Variants in C19orf47 observed in about 807,000 individuals in gnomAD.
C19orf47 encodes chromosome 19 open reading frame 47.
Under a neutral mutation model 32.3 loss-of-function variants are expected in C19orf47, and 18 were observed. The observed-to-expected ratio is 0.56, with a 90% confidence interval of 0.39 to 0.83. The LOEUF (loss-of-function observed/expected upper bound fraction) is 0.83, where lower values mean the gene tolerates loss of function less well. C19orf47 is among the 40% of genes least tolerant of loss of function. The pLI, the probability that C19orf47 is intolerant of heterozygous loss-of-function variation, is 0.00. For synonymous variants in C19orf47, 202 were observed against 211.1 expected (o/e 0.96, Z 0.37); for missense variants, 484 against 531.6 (o/e 0.91, Z 0.88).
chr19:40,299,763 C>T, the C19orf47 span, among the ~76,000 whole-genome samples: 1 of 152,160 alleles, frequency 6.6e-6, no homozygotes, highest in Non-Finnish European at 1.5e-5. Context: ...CGGTGGCTCA[C>T]GTCTGTAATC....
the C19orf47 span, among the ~76,000 whole-genome samples, chr19:40,299,840 A>G: frequency 6.6e-6 from 1 of 152,122 alleles, no homozygotes; most frequent in African/African-American, 2.4e-5. Flanking sequence ...AGCCTGGCCG[A>G]CATGGCGAAA....
At chr19:40,303,517 CAA>C in the C19orf47 span, among the ~76,000 whole-genome samples, 3 of 98,100 alleles carry the variant, frequency 3.1e-5, no homozygotes, top group Non-Finnish European at 2.1e-5. Flanking sequence ...GCGAGACTCT[CAA>C]AAAAAAAAAG....
intron 6 of C19orf47, among the ~76,000 whole-genome samples, chr19:40,327,434 G>C (rs535708394): frequency 1.3e-5 from 2 of 151,818 alleles, no homozygotes; most frequent in African/African-American, 2.4e-5. Context: ...GATTATAGGC[G>C]TGAGCCACCA....
chr19:40,302,216 T>C, the C19orf47 span, among the ~76,000 whole-genome samples: 1 of 152,168 alleles, frequency 6.6e-6, no homozygotes, highest in African/African-American at 2.4e-5. Context: ...TGCTCTTACA[T>C]AAATAATCAG....
intron 7 of C19orf47, 79 bp from the exon 8 acceptor site, chr19:40,324,155 G>T: frequency 7.3e-7 from 1 of 1,374,924 alleles, no homozygotes; most frequent in Non-Finnish European, 1.0e-6. Context: ...CACCAAGGCA[G>T]CCCAGACACC....
At position 40,323,913 on chromosome 19, in the gene C19orf47, C is replaced by T. The variant is rs534867673; in HGVS notation, c.663+93G>A. On this transcript the variant is annotated intron_variant, in intron 8 of 8. Coordinates refer to ENST00000683109, the MANE Select transcript of C19orf47 (RefSeq NM_001256441.2). Reference sequence around the variant, plus strand: ...AAAGGCAGGTTAGACGGCCCTGGGCCGAGTGAGGTTGAGATGTGTTAAAGA... The same window carrying T: ...AAAGGCAGGTTAGACGGCCCTGGGCTGAGTGAGGTTGAGATGTGTTAAAGA... 52 of 1,498,238 alleles carry T rather than the reference C, an allele frequency of 3.5e-5. No individual in the cohort carries two copies. The Admixed American group carries it at 5.5e-4, about 16-fold the overall frequency. 92.8% of individuals were successfully genotyped at this position (1,498,238 alleles called of 1,614,324 possible). A position where few individuals can be genotyped will look rare whatever the true frequency, so the allele number is the denominator to read the frequency against.
chr19:40,339,254 T>C (rs1242477013), intron 2 of C19orf47: 1 of 152,624 alleles, frequency 6.6e-6, no homozygotes, highest in Non-Finnish European at 1.5e-5. Flanking sequence ...CATCATTTCA[T>C]GTATTGCTAA....
At chr19:40,333,965 A>G in intron 4 of C19orf47, 36 bp from the exon 5 acceptor site, 1 of 1,496,736 alleles carries the variant, frequency 6.7e-7, no homozygotes. Context: ...GTCACCACAG[A>G]AGAATCATGC....
Position 40,348,396 on chromosome 19 carries a change from T to TC in C19orf47, c.-107dup. The TC allele has an allele frequency of 7.3e-7, 1 of 1,365,040 alleles. No individual in the cohort carries two copies. Among genetic ancestry groups the TC allele is most frequent in the South Asian group, 1.3e-5 (1 of 75,386 alleles). 84.6% of individuals were successfully genotyped at this position (1,365,040 alleles called of 1,614,324 possible). A position where few individuals can be genotyped will look rare whatever the true frequency, so the allele number is the denominator to read the frequency against. On this transcript the variant is annotated 5_prime_UTR_variant, in exon 1 of 9. Coordinates refer to ENST00000683109, the MANE Select transcript of C19orf47 (RefSeq NM_001256441.2). The stretch of plus-strand genomic sequence containing the variant: ...GGCGGCGCCAACTGTCAGACACTCC[T>TC]CCCCCGGCCCGGGCTGCCCGCCCCG...
the C19orf47 span, among the ~76,000 whole-genome samples, chr19:40,307,424 G>A: frequency 6.6e-6 from 1 of 151,858 alleles, no homozygotes; most frequent in African/African-American, 2.4e-5. Context: ...TTGGAGACAG[G>A]GTCTCGTTCT....
Position 40,348,331 on chromosome 19 carries a change from A to T in C19orf47, c.-41T>A, listed in dbSNP as rs893672238. 2.6e-5 allele frequency: 35 copies of T among 1,320,770 alleles called. No homozygotes were observed. The highest frequency in any genetic ancestry group is 3.4e-5 in the Non-Finnish European group (35 of 1,035,688). The allele number at this position is 1,320,770 out of a possible 1,614,324, so 81.8% of individuals were successfully genotyped here. A position where few individuals can be genotyped will look rare whatever the true frequency, so the allele number is the denominator to read the frequency against. ...CCCCGGCCCGCGCCTCACCTGGCCCACCGGGCCCGCGCCCACTCGCGCCGC... is the reference window on the plus strand; with the variant it reads ...CCCCGGCCCGCGCCTCACCTGGCCCTCCGGGCCCGCGCCCACTCGCGCCGC... On this transcript the variant is annotated 5_prime_UTR_variant, in exon 1 of 9. Coordinates refer to ENST00000683109, the MANE Select transcript of C19orf47 (RefSeq NM_001256441.2).
At chr19:40,342,926 A>G (rs1315547142) in intron 1 of C19orf47, among the ~76,000 whole-genome samples, 1 of 152,190 alleles carries the variant, frequency 6.6e-6, no homozygotes, top group African/African-American at 2.4e-5. Flanking sequence ...CGTCCCAGAG[A>G]AGACATGGAA....
the C19orf47 span, among the ~76,000 whole-genome samples, chr19:40,296,032 C>T: frequency 3.6e-4 from 55 of 152,308 alleles, no homozygotes; most frequent in Non-Finnish European, 5.9e-4. Flanking sequence ...AGGCATGAAC[C>T]AACATGCCTG....
intron 2 of C19orf47, among the ~76,000 whole-genome samples, chr19:40,340,261 T>C (rs1324741167): frequency 6.6e-6 from 1 of 152,062 alleles, no homozygotes; most frequent in East Asian, 1.9e-4. Flanking sequence ...AGAAATCAGG[T>C]ATTTCTAATA....
At chr19:40,328,281 T>A in intron 6 of C19orf47, 132 bp downstream of exon 6, 1 of 1,349,932 alleles carries the variant, frequency 7.4e-7, no homozygotes, top group Non-Finnish European at 1.0e-6. Flanking sequence ...ACAGAGGTGA[T>A]TCAGGTTCAA....
chr19:40,336,206 C>A lies in C19orf47; in HGVS notation c.126G>T (p.Leu42=). Reference sequence around the variant, plus strand: ...TCATTATCTCCTTATTGAGATCCAGCAGCATGCTCTTCTGAATCCTGCAGG... The same window carrying A: ...TCATTATCTCCTTATTGAGATCCAGAAGCATGCTCTTCTGAATCCTGCAGG... The part of the protein sequence containing the change: ...FVDNRIQKSM[L]LDLNKEIMNE... The change falls in exon 4 of 9, where the codon CTG becomes CTT. Residue 42 remains leucine, a synonymous_variant. Transcript: ENST00000683109. The A allele has an allele frequency of 1.2e-6, 2 of 1,614,266 alleles. No homozygotes were observed. Among genetic ancestry groups the A allele is most frequent in the Middle Eastern group, 3.3e-4 (2 of 6,062 alleles).
rs1376523214 is a variant in C19orf47 at position 40,324,040 on chromosome 19, G to A, written c.629C>T (p.Ala210Val). 5.6e-6 allele frequency: 9 copies of A among 1,614,124 alleles called. No homozygotes were observed. Among genetic ancestry groups the A allele is most frequent in the Non-Finnish European group, 6.8e-6 (8 of 1,180,050 alleles). ...HRTSVFDRLGAETKADTTTGS... is the reference protein window; with the variant it reads ...HRTSVFDRLGVETKADTTTGS... ...TGTCGTGGTGTCTGCCTTGGTCTCG[G>A]CGCCGAGGCGGTCAAACACAGACGT... The change falls in exon 8 of 9, where the codon GCC (alanine) becomes GTC (valine). Residue 210 changes from alanine (A) to valine (V), a missense_variant. Transcript: ENST00000683109.
intron 1 of C19orf47, among the ~76,000 whole-genome samples, chr19:40,344,678 A>G (rs1399248370): frequency 6.6e-6 from 1 of 151,398 alleles, no homozygotes. Flanking sequence ...TCGATGAAAA[A>G]CCCCGACTCA....
the C19orf47 span, among the ~76,000 whole-genome samples, chr19:40,307,397 G>C: frequency 6.6e-6 from 1 of 151,868 alleles, no homozygotes; most frequent in Non-Finnish European, 1.5e-5. Flanking sequence ...ACCCGAGCAG[G>C]TGTGTTTGTT....
Sources: allele counts gnomAD v4.1 joint callset (sites outside exome capture counted in the v4.1 genomes callset), GRCh38; gene constraint gnomAD v4.1.1; transcripts MANE v1.5; gene names NCBI Gene and HGNC (gene_info 2026-07-23, HGNC 2026-07-21).